PPL: variants seen among roughly 807,000 people sequenced by gnomAD.
PPL encodes the protein 190 kDa paraneoplastic pemphigus antigen.
In PPL, 198 loss-of-function variants were observed where a neutral mutation model predicts 194.4. That is an observed-to-expected ratio of 1.02 (90% CI 0.91 to 1.15). PPL has a LOEUF of 1.15. Ranked by LOEUF, PPL falls within the 50% of genes most tolerant of loss-of-function variation. The pLI is 0.00. For synonymous variants in PPL, 1,220 were observed against 972.4 expected (o/e 1.25, Z -4.74); for missense variants, 2,885 against 2,294.8 (o/e 1.26, Z -5.25).
At chr16:4,898,968 C>T in intron 8 of PPL, 45 bp downstream of exon 8, 2 of 1,570,766 alleles carry the variant, frequency 1.3e-6, no homozygotes, top group South Asian at 1.1e-5. Flanking sequence ...AGCGGCCAAC[C>T]AGAAGCCACC....
chr16:4,897,223 T>C (rs1259529996), intron 9 of PPL, among the ~76,000 whole-genome samples: 1 of 149,484 alleles, frequency 6.7e-6, no homozygotes, highest in Non-Finnish European at 1.5e-5. Context: ...TAATCCCAGC[T>C]GTTCAGGAGG....
chr16:4,908,582 G>T (rs1457841983), intron 2 of PPL, among the ~76,000 whole-genome samples: 1 of 152,192 alleles, frequency 6.6e-6, no homozygotes, highest in African/African-American at 2.4e-5. Flanking sequence ...CTGCTGCCCA[G>T]GCTGGAGTGC....
chr16:4,930,940 T>A (rs142522485), intron 1 of PPL, among the ~76,000 whole-genome samples: 55 of 152,080 alleles, frequency 3.6e-4, no homozygotes, highest in East Asian at 2.7e-3. Flanking sequence ...CAGATTTATG[T>A]CGTAAGGAGC....
At position 4,893,533 on chromosome 16, in the gene PPL, G is replaced by C. The variant is rs1011980995; in HGVS notation, c.1492+8C>G. On this transcript the variant is annotated splice_region_variant and intron_variant, in intron 13 of 21. Coordinates refer to ENST00000345988, the MANE Select transcript of PPL (RefSeq NM_002705.5). Reference sequence around the variant, plus strand: ...CCAGAGCCTCAGGCGAGTGGCCCTGGCACCCACCTCCGGGATTCTCGGTCT... The same window carrying C: ...CCAGAGCCTCAGGCGAGTGGCCCTGCCACCCACCTCCGGGATTCTCGGTCT... 12 of 1,611,692 alleles carry C rather than the reference G, an allele frequency of 7.4e-6. No individual in the cohort carries two copies. The highest frequency in any genetic ancestry group is 5.0e-5 in the Admixed American group (3 of 59,944).
At chr16:4,892,678 C>G (rs1411363563) in intron 14 of PPL, 1 of 164,412 alleles carries the variant, frequency 6.1e-6, no homozygotes, top group Non-Finnish European at 1.3e-5. Context: ...TATGGCACTT[C>G]TCCAATCCCA....
At chr16:4,936,920 TC>T in intron 1 of PPL, 63 bp downstream of exon 1, 2 of 1,504,154 alleles carry the variant, frequency 1.3e-6, no homozygotes, top group Non-Finnish European at 9.0e-7. Flanking sequence ...CGGGAGGTCT[TC>T]CAGGTCCTGT....
In PPL at chr16:4,899,268, C is replaced by T. The variant is rs757158456; in HGVS notation, c.723G>A (p.Trp241Ter). 5.0e-6 allele frequency: 8 copies of T among 1,613,896 alleles called. No individual in the cohort carries two copies. Among genetic ancestry groups the T allele is most frequent in the Admixed American group, 3.3e-5 (2 of 60,024 alleles). ...TGGGGTAGTCGAGGTTGCGGTCACT[C>T]CAGTCGTACTGCATGCGGCCCTTGG... ...QQAKGRMQYD[W>*]SDRNLDYPSR... Residue 241 changes from tryptophan (W) to a stop codon, truncating the protein, a stop_gained, in exon 7 of 22, where the codon TGG (tryptophan) becomes TGA (stop). Transcript: ENST00000345988. LOFTEE classifies it high-confidence loss of function.
intron 1 of PPL, among the ~76,000 whole-genome samples, chr16:4,931,670 T>C (rs969158149): frequency 4.6e-5 from 7 of 152,136 alleles, no homozygotes; most frequent in African/African-American, 9.7e-5. Context: ...AGGGTTCTCT[T>C]CCCCAGACGA....
At chr16:4,886,340 C>T (rs1232378782) in intron 21 of PPL, among the ~76,000 whole-genome samples, 1 of 152,218 alleles carries the variant, frequency 6.6e-6, no homozygotes, top group African/African-American at 2.4e-5. Context: ...CAGATGCTAT[C>T]TGTGCTCACA....
intron 2 of PPL, among the ~76,000 whole-genome samples, chr16:4,909,108 G>A (rs577854721): frequency 5.9e-5 from 9 of 152,110 alleles, no homozygotes; most frequent in Non-Finnish European, 1.0e-4. Context: ...GGGGCATGGA[G>A]GCGGGGGCCC....
At position 4,882,932 on chromosome 16, in the gene PPL, G is replaced by C. The variant is rs76402697; in HGVS notation, c.*452C>G. The C allele has an allele frequency of 5.2e-3, 1,018 of 194,634 alleles. 11 individuals are homozygous for C. The highest frequency in any genetic ancestry group is 0.023 in the African/African-American group (981 of 41,904). The allele number at this position is 194,634 out of a possible 1,614,324, so 12.1% of individuals were successfully genotyped here. On this transcript the variant is annotated 3_prime_UTR_variant, in exon 22 of 22. Transcript: ENST00000345988. Reference sequence around the variant, plus strand: ...AAAGTTGGTTTTAAGCCAGAAATCTGGAGAGATGTCATGCCAGGCAGCAGC... The same window carrying C: ...AAAGTTGGTTTTAAGCCAGAAATCTCGAGAGATGTCATGCCAGGCAGCAGC...
chr16:4,891,003 C>T, intron 16 of PPL, 82 bp from the exon 17 acceptor site: 2 of 1,275,128 alleles, frequency 1.6e-6, no homozygotes, highest in African/African-American at 1.5e-5. Flanking sequence ...AGCCCCTGGG[C>T]CACTGACTGT....
rs191025053 is a variant in PPL at position 4,909,585 on chromosome 16, C to A, written c.162+1265G>T. ...GGGATTATAGGTGTGCACCACCACG[C>A]CCAGCTAATTGTTGTATTTTTAGTA... On this transcript the variant is annotated intron_variant, in intron 2 of 21. Transcript: ENST00000345988. 2.4e-3 allele frequency among the ~76,000 whole-genome samples: 361 copies of A among 152,150 alleles called. 1 individual carries two copies. Among genetic ancestry groups the A allele is most frequent in the Non-Finnish European group, 4.4e-3 (298 of 68,010 alleles).
At chr16:4,920,320 A>G (rs1269167029) in intron 1 of PPL, among the ~76,000 whole-genome samples, 1 of 16,062 alleles carries the variant, frequency 6.2e-5, no homozygotes, top group African/African-American at 8.4e-5. Context: ...GAAGGAAAGA[A>G]AAGAAAGAAA....
At chr16:4,900,457 A>ATTTTT (rs2088540659) in intron 6 of PPL, among the ~76,000 whole-genome samples, 1 of 91,202 alleles carries the variant, frequency 1.1e-5, no homozygotes, top group Non-Finnish European at 2.0e-5. Context: ...TTTTTTTTTT[A>ATTTTT]AAGGCAGGGT....
intron 1 of PPL, among the ~76,000 whole-genome samples, chr16:4,932,322 C>T (rs1464440488): frequency 1.3e-5 from 2 of 152,266 alleles, no homozygotes; most frequent in Non-Finnish European, 1.5e-5. Flanking sequence ...ATCGATCAGG[C>T]GTTCCTACCA....
At chr16:4,908,395 A>G (rs563443870) in intron 2 of PPL, among the ~76,000 whole-genome samples, 1 of 149,112 alleles carries the variant, frequency 6.7e-6, no homozygotes, top group Non-Finnish European at 1.5e-5. Flanking sequence ...GGGAAATAAA[A>G]TGAGAAGGTT....
In PPL at chr16:4,882,842, T is replaced by C. The variant is rs2088125774; in HGVS notation, c.*542A>G. On this transcript the variant is annotated 3_prime_UTR_variant, in exon 22 of 22. Transcript: ENST00000345988. ...GGACACTTGTGGTTTCTGTTCACCT[T>C]TCCTGGCTTGGAGCCCAGATCTGTC... 1 of 158,800 alleles carries C rather than the reference T, an allele frequency of 6.3e-6. No homozygotes were observed. The highest frequency in any genetic ancestry group is 2.4e-5 in the African/African-American group (1 of 41,512). 9.8% of individuals were successfully genotyped at this position (158,800 alleles called of 1,614,324 possible). A position where few individuals can be genotyped will look rare whatever the true frequency, so the allele number is the denominator to read the frequency against.
At chr16:4,931,274 G>A (rs1204312869) in intron 1 of PPL, among the ~76,000 whole-genome samples, 1 of 152,132 alleles carries the variant, frequency 6.6e-6, no homozygotes, top group Admixed American at 6.5e-5. Flanking sequence ...TGAGGCATGA[G>A]GATTGCTTGA....
Sources: gnomAD v4.1 joint callset for allele counts (sites outside exome capture counted in the v4.1 genomes callset) on GRCh38, gnomAD v4.1.1 for gene constraint, MANE v1.5 for transcripts, NCBI Gene and HGNC (gene_info 2026-07-23, HGNC 2026-07-21) for gene names.